Variants in SGCZ observed in about 807,000 individuals in gnomAD.
SGCZ encodes the protein zeta-sarcoglycan.
In SGCZ, 40 loss-of-function variants were observed where a neutral mutation model predicts 41.3. The ratio of observed to expected loss-of-function variants is 0.97; its 90% CI spans 0.75 to 1.26. The LOEUF is 1.26. SGCZ is among the 50% of genes most tolerant of loss of function. The probability of loss-of-function intolerance (pLI) is 0.00; values close to 1 mark genes in which losing one functional copy is unlikely to be tolerated. For synonymous variants in SGCZ, 206 were observed against 137.5 expected (o/e 1.50, Z -3.49); for missense variants, 552 against 369.8 (o/e 1.49, Z -4.04).
At chr8:15,096,957 T>C (rs10093338) in intron 1 of SGCZ, among the ~76,000 whole-genome samples, 8,084 of 152,188 alleles carry the variant, frequency 0.053, 683 homozygotes, top group African/African-American at 0.18. Flanking sequence ...AGCAGTGGGA[T>C]TACAGGTGTG....
intron 1 of SGCZ, among the ~76,000 whole-genome samples, chr8:14,908,855 T>A (rs1460013299): frequency 6.6e-6 from 1 of 152,164 alleles, no homozygotes; most frequent in Non-Finnish European, 1.5e-5. Context: ...CTAGAATTCT[T>A]ACTGCATTTA....
chr8:14,114,469 A>C (rs1197570437), intron 5 of SGCZ, among the ~76,000 whole-genome samples: 6 of 152,022 alleles, frequency 3.9e-5, no homozygotes, highest in Admixed American at 3.9e-4. Context: ...TAGGACTGAA[A>C]AATAAGCTGC....
rs138294634 is a variant in SGCZ, at chr8:14,584,794, A to G, written c.40-29868T>C. Among the ~76,000 whole-genome samples, 1,146 of 152,244 alleles carry G rather than the reference A, an allele frequency of 7.5e-3. 14 individuals carry two copies. The highest frequency in any genetic ancestry group is 0.026 in the African/African-American group (1,090 of 41,562). ...AAACACATTTTCCGTGATAGGAATT[A>G]GGCTAGGAAATAGCACATACAGTAT... is the stretch of plus-strand genomic sequence containing the variant. On this transcript the variant is annotated intron_variant, in intron 1 of 7. Coordinates refer to ENST00000382080, the MANE Select transcript of SGCZ (RefSeq NM_139167.4).
chr8:14,155,132 C>T (rs1024792231), intron 5 of SGCZ, among the ~76,000 whole-genome samples: 1 of 152,222 alleles, frequency 6.6e-6, no homozygotes, highest in Non-Finnish European at 1.5e-5. Flanking sequence ...AATCTAGAAT[C>T]ACGTGGTATA....
At chr8:14,632,597 T>C (rs553415824) in intron 1 of SGCZ, among the ~76,000 whole-genome samples, 1 of 152,010 alleles carries the variant, frequency 6.6e-6, no homozygotes, top group African/African-American at 2.4e-5. Flanking sequence ...AAAACAATTC[T>C]TAGTTGAATA....
At chr8:14,149,850 T>A (rs560201051) in intron 5 of SGCZ, among the ~76,000 whole-genome samples, 1 of 151,968 alleles carries the variant, frequency 6.6e-6, no homozygotes, top group South Asian at 2.1e-4. Flanking sequence ...TAAAACATAA[T>A]AAACAACCCA....
At chr8:14,467,296 T>A (rs1801078484) in intron 2 of SGCZ, among the ~76,000 whole-genome samples, 1 of 152,058 alleles carries the variant, frequency 6.6e-6, no homozygotes, top group Non-Finnish European at 1.5e-5. Context: ...GCACTGGCCC[T>A]TTTAATTCCG....
chr8:14,499,860 A>T (rs927489563), intron 2 of SGCZ, among the ~76,000 whole-genome samples: 1 of 152,036 alleles, frequency 6.6e-6, no homozygotes, highest in Non-Finnish European at 1.5e-5. Flanking sequence ...CTCTCTTCAA[A>T]TAGTATGCTT....
chr8:14,586,916 A>G (rs1048449322), intron 1 of SGCZ, among the ~76,000 whole-genome samples: 1 of 152,176 alleles, frequency 6.6e-6, no homozygotes, highest in Non-Finnish European at 1.5e-5. Context: ...GTGATTACCT[A>G]GTTAAATTGC....
intron 1 of SGCZ, among the ~76,000 whole-genome samples, chr8:14,672,836 CATAAAGGATCAGTAATCTTTTTCTT>C (rs1461303960): frequency 2.0e-5 from 3 of 152,114 alleles, no homozygotes; most frequent in Admixed American, 1.3e-4. Flanking sequence ...AAATGGTCTA[CATAAAGGATCAGTAATCTTTTTCTT>C]ATAAAGGGGT....
At chr8:14,432,123 G>A (rs1221660773) in intron 2 of SGCZ, among the ~76,000 whole-genome samples, 2 of 152,180 alleles carry the variant, frequency 1.3e-5, no homozygotes, top group Non-Finnish European at 2.9e-5. Context: ...ACACTGTGGA[G>A]ATTCTTTGAA....
At chr8:15,209,950 G>C (rs911011241) in intron 1 of SGCZ, among the ~76,000 whole-genome samples, 5 of 152,086 alleles carry the variant, frequency 3.3e-5, no homozygotes. Flanking sequence ...GGAGATGGCA[G>C]TTATGGAGTT....
chr8:14,971,000 T>A (rs192887842), intron 1 of SGCZ, among the ~76,000 whole-genome samples: 2 of 152,206 alleles, frequency 1.3e-5, no homozygotes, highest in Non-Finnish European at 2.9e-5. Context: ...TTTATTCACA[T>A]CTTCTGTAAG....
chr8:14,674,683 C>G (rs1176188843), intron 1 of SGCZ, among the ~76,000 whole-genome samples: 1 of 151,932 alleles, frequency 6.6e-6, no homozygotes, highest in African/African-American at 2.4e-5. Context: ...GGGTGGATTT[C>G]TCATAAACGG....
chr8:14,880,991 G>C (rs920165536), intron 1 of SGCZ, among the ~76,000 whole-genome samples: 10 of 151,732 alleles, frequency 6.6e-5, no homozygotes, highest in Admixed American at 5.9e-4. Flanking sequence ...AACTTAGTAA[G>C]AGCCCAAAAT....
chr8:14,904,046 TA>T (rs1002025500), intron 1 of SGCZ, among the ~76,000 whole-genome samples: 2 of 152,066 alleles, frequency 1.3e-5, no homozygotes, highest in African/African-American at 4.8e-5. Flanking sequence ...CTAAAGGAAA[TA>T]AGGTATTAAC....
intron 2 of SGCZ, among the ~76,000 whole-genome samples, chr8:14,484,920 G>A (rs1055848347): frequency 1.3e-5 from 2 of 152,108 alleles, no homozygotes; most frequent in African/African-American, 4.8e-5. Flanking sequence ...TTATATATAA[G>A]TATTACTAAA....
intron 1 of SGCZ, among the ~76,000 whole-genome samples, chr8:14,588,040 A>T (rs1172426469): frequency 6.6e-6 from 1 of 152,192 alleles, no homozygotes; most frequent in Admixed American, 6.5e-5. Flanking sequence ...AGAAATTTTT[A>T]TACAGAATTA....
chr8:14,984,447 T>G (rs978335831), intron 1 of SGCZ, among the ~76,000 whole-genome samples: 1 of 152,198 alleles, frequency 6.6e-6, no homozygotes, highest in Non-Finnish European at 1.5e-5. Context: ...TATTTTTATG[T>G]CTCTTAAATC....
Sources: allele counts gnomAD v4.1 joint callset (sites outside exome capture counted in the v4.1 genomes callset), GRCh38; gene constraint gnomAD v4.1.1; transcripts MANE v1.5; gene names NCBI Gene and HGNC (gene_info 2026-07-23, HGNC 2026-07-21).